DNAI1: variants seen among roughly 807,000 people sequenced by gnomAD.
DNAI1 encodes the protein dynein, axonemal, intermediate polypeptide 1.
A neutral mutation model predicts 92.0 loss-of-function variants in DNAI1; 67 were observed. The ratio of observed to expected loss-of-function variants is 0.73; its 90% CI spans 0.60 to 0.89. The LOEUF (loss-of-function observed/expected upper bound fraction) is 0.89, where lower values mean the gene tolerates loss of function less well. Among genes scored for constraint, DNAI1 ranks in the 40% least tolerant of loss-of-function variants. The probability of loss-of-function intolerance (pLI) is 0.00; values close to 1 mark genes in which losing one functional copy is unlikely to be tolerated. For missense variants in DNAI1, 839 were observed against 866.6 expected (o/e 0.97, Z 0.40); for synonymous variants, 323 against 319.6 (o/e 1.01, Z -0.11).
At chr9:34,471,653 C>G (rs1225385779) in intron 1 of DNAI1, among the ~76,000 whole-genome samples, 1 of 151,768 alleles carries the variant, frequency 6.6e-6, no homozygotes, top group Non-Finnish European at 1.5e-5. Flanking sequence ...ACCTATAACC[C>G]CAGCTAGTCA....
chr9:34,461,462 A>C (rs1362878619), intron 1 of DNAI1, among the ~76,000 whole-genome samples: 1 of 152,066 alleles, frequency 6.6e-6, no homozygotes, highest in African/African-American at 2.4e-5. Context: ...CCTATGCCCC[A>C]CCCCTGGCCT....
At chr9:34,511,495 G>A (rs1825063847) in intron 13 of DNAI1, among the ~76,000 whole-genome samples, 1 of 151,970 alleles carries the variant, frequency 6.6e-6, no homozygotes, top group African/African-American at 2.4e-5. Flanking sequence ...AGGAGACGGG[G>A]GCCTGCTCCT....
chr9:34,500,969 A>T, intron 11 of DNAI1, 130 bp downstream of exon 11: 1 of 999,072 alleles, frequency 1.0e-6, no homozygotes, highest in East Asian at 2.4e-5. Flanking sequence ...TGGAACTTGG[A>T]TTCTTATGGG....
At position 34,520,904 on chromosome 9, in the gene DNAI1, C is replaced by T; in HGVS notation, c.*148C>T. 1.3e-6 allele frequency: 1 copy of T among 786,256 alleles called. No homozygotes were observed. The highest frequency in any genetic ancestry group is 2.2e-6 in the Non-Finnish European group (1 of 460,640). 48.7% of individuals were successfully genotyped at this position (786,256 alleles called of 1,614,324 possible). A position where few individuals can be genotyped will look rare whatever the true frequency, so the allele number is the denominator to read the frequency against. On this transcript the variant is annotated 3_prime_UTR_variant, in exon 20 of 20. Transcript: ENST00000242317. ...CCCTTCTTGTTCTGTTCCTTAAGGT[C>T]CCAGCACCTTACCCCAGGACTTGGT...
chr9:34,494,134 G>A (rs1395721732), intron 9 of DNAI1, among the ~76,000 whole-genome samples: 1 of 152,006 alleles, frequency 6.6e-6, no homozygotes, highest in Non-Finnish European at 1.5e-5. Context: ...TCTGGGGGCT[G>A]GTTTTCAGCA....
intron 1 of DNAI1, among the ~76,000 whole-genome samples, chr9:34,466,392 T>G (rs1824038705): frequency 1.3e-5 from 2 of 152,236 alleles, no homozygotes; most frequent in South Asian, 4.1e-4. Flanking sequence ...GGGAACAAAC[T>G]GGAGTGTATA....
chr9:34,494,033 A>C (rs1824667258), intron 9 of DNAI1, among the ~76,000 whole-genome samples: 1 of 152,170 alleles, frequency 6.6e-6, no homozygotes, highest in African/African-American at 2.4e-5. Context: ...TCCCTTTAAC[A>C]GACAGAAATC....
rs1024654594 is a variant in DNAI1, at chr9:34,514,467, G to A, written c.1643G>A (p.Trp548Ter). The A allele has an allele frequency of 1.2e-6, 2 of 1,614,068 alleles. No homozygotes were observed. Among genetic ancestry groups the A allele is most frequent in the Non-Finnish European group, 1.7e-6 (2 of 1,180,042 alleles). ...AACATGTCAGTGGACACTGTGTCCT[G>A]GAACCCATACCACACCAAGGTCTTC... is the stretch of plus-strand genomic sequence containing the variant. ...AHNMSVDTVS[W>*]NPYHTKVFMS... Residue 548 changes from tryptophan to a stop codon, truncating the protein, a stop_gained, in exon 17 of 20, where the codon TGG becomes TAG. Transcript: ENST00000242317. LOFTEE classifies it high-confidence loss of function.
intron 9 of DNAI1, among the ~76,000 whole-genome samples, chr9:34,495,856 G>T (rs538537488): frequency 6.6e-6 from 1 of 152,168 alleles, no homozygotes; most frequent in Non-Finnish European, 1.5e-5. Flanking sequence ...AGAATAGAGA[G>T]CGTAGCTGGA....
chr9:34,502,052 T>C lies in DNAI1; in HGVS notation c.1063+871T>C, dbSNP rs142248880. On this transcript the variant is annotated intron_variant, in intron 12 of 19. Transcript: ENST00000242317. ...TTCTCTGGCTGGGAGGATCAGCTTC[T>C]GCAAACACAAAAACCTTTCCATTCT... Among the ~76,000 whole-genome samples the C allele has an allele frequency of 2.6e-3, 394 of 152,344 alleles. 1 individual carries two copies. Among genetic ancestry groups the C allele is most frequent in the African/African-American group, 8.7e-3 (361 of 41,574 alleles).
intron 2 of DNAI1, 113 bp from the exon 3 acceptor site, chr9:34,485,029 A>G (rs1278808829): frequency 6.1e-6 from 6 of 987,020 alleles, no homozygotes; most frequent in African/African-American, 4.8e-5. Flanking sequence ...TTTGTATTCT[A>G]CATACAAGGG....
chr9:34,517,424 T>C lies in DNAI1; in HGVS notation c.1958T>C (p.Ile653Thr). 1 of 1,614,168 alleles carries C rather than the reference T, an allele frequency of 6.2e-7. No individual in the cohort carries two copies. Among genetic ancestry groups the C allele is most frequent in the South Asian group, 1.1e-5 (1 of 91,076 alleles). The change falls in exon 19 of 20, where the codon ATC becomes ACC. Residue 653 changes from isoleucine (I) to threonine (T), a missense_variant. Physicochemically the swap from Ile to Thr is moderately conservative, Grantham distance 89. Coordinates refer to ENST00000242317, the MANE Select transcript of DNAI1 (RefSeq NM_012144.4). ...ATTGTGGGCGATGACCGTGGGCACA[T>C]CATCAGCCTCAAGCTCTCACCCAAT... Reference protein sequence around the residue: ...IIIVGDDRGHIISLKLSPNLR... With the variant: ...IIIVGDDRGHTISLKLSPNLR...
chr9:34,485,433 T>A lies in DNAI1; in HGVS notation c.181-4T>A. The A allele has an allele frequency of 1.2e-6, 2 of 1,614,080 alleles. No homozygotes were observed. The highest frequency in any genetic ancestry group is 2.2e-5 in the South Asian group (2 of 91,064). On this transcript the variant is annotated splice_region_variant and splice_polypyrimidine_tract_variant and intron_variant, in intron 3 of 19. Transcript: ENST00000242317. The stretch of plus-strand genomic sequence containing the variant: ...ATGACCCTCTTGGTATTTTTCTCCC[T>A]CAGGAGTTAAAGGAGGAGTTCACTC...
At chr9:34,479,620 T>C (rs983951571) in intron 1 of DNAI1, among the ~76,000 whole-genome samples, 2 of 152,220 alleles carry the variant, frequency 1.3e-5, no homozygotes, top group African/African-American at 4.8e-5. Context: ...GGCTTGTGGT[T>C]TGGGTTGGGA....
intron 2 of DNAI1, among the ~76,000 whole-genome samples, chr9:34,484,149 A>T (rs1824427568): frequency 6.6e-6 from 1 of 152,196 alleles, no homozygotes; most frequent in Admixed American, 6.5e-5. Context: ...CAGAAGGTGG[A>T]GGTTATAGTG....
chr9:34,492,483 G>C, intron 8 of DNAI1, among the ~76,000 whole-genome samples: 1 of 86,622 alleles, frequency 1.2e-5, no homozygotes, highest in African/African-American at 4.3e-5. Flanking sequence ...GGTGGGGGTG[G>C]GGATATGAAG....
chr9:34,518,597 G>T (rs1248250698), intron 19 of DNAI1, among the ~76,000 whole-genome samples: 1 of 152,260 alleles, frequency 6.6e-6, no homozygotes, highest in African/African-American at 2.4e-5. Flanking sequence ...TTGGCCTCAA[G>T]GAGGAGGAAG....
intron 1 of DNAI1, among the ~76,000 whole-genome samples, chr9:34,478,115 A>C (rs760010585): frequency 6.6e-6 from 1 of 151,866 alleles, no homozygotes; most frequent in Non-Finnish European, 1.5e-5. Context: ...TCGAACTCCT[A>C]GCCTCAAGTG....
chr9:34,481,901 G>A (rs568949805), intron 1 of DNAI1, among the ~76,000 whole-genome samples: 185 of 152,336 alleles, frequency 1.2e-3, no homozygotes, highest in African/African-American at 4.3e-3. Context: ...GTGTGGAAGG[G>A]GACCCGAGCA....
Sources: allele counts gnomAD v4.1 joint callset (sites outside exome capture counted in the v4.1 genomes callset), GRCh38; gene constraint gnomAD v4.1.1; transcripts MANE v1.5; gene names NCBI Gene and HGNC (gene_info 2026-07-23, HGNC 2026-07-21).